PYGO1: variants seen among roughly 807,000 people sequenced by gnomAD.
PYGO1 encodes the protein pygopus homolog 1.
A neutral mutation model predicts 29.5 loss-of-function variants in PYGO1; 6 were observed. The ratio of observed to expected loss-of-function variants is 0.20; its 90% confidence interval spans 0.11 to 0.40. The LOEUF (loss-of-function observed/expected upper bound fraction) is 0.40, where lower values mean the gene tolerates loss of function less well. Among genes scored for constraint, PYGO1 ranks in the 10% least tolerant of loss-of-function variants. The pLI is 1.00. For missense variants in PYGO1, 515 were observed against 514.9 expected (o/e 1.00, Z 0.00); for synonymous variants, 186 against 180.5 (o/e 1.03, Z -0.24).
intron 1 of PYGO1, among the ~76,000 whole-genome samples, chr15:55,572,514 A>G (rs1174737161): frequency 6.6e-6 from 1 of 152,220 alleles, no homozygotes; most frequent in Non-Finnish European, 1.5e-5. Context: ...TTGGGATATG[A>G]CCAAAAGCAC....
At chr15:55,573,967 C>T (rs1257253302) in intron 1 of PYGO1, among the ~76,000 whole-genome samples, 1 of 152,066 alleles carries the variant, frequency 6.6e-6, no homozygotes, top group South Asian at 2.1e-4. Flanking sequence ...TCTGAAATGG[C>T]GGGCAACCAA....
At chr15:55,557,990 C>T (rs947636090) in intron 1 of PYGO1, among the ~76,000 whole-genome samples, 2 of 152,176 alleles carry the variant, frequency 1.3e-5, no homozygotes, top group Non-Finnish European at 2.9e-5. Flanking sequence ...GTTGGAAGTT[C>T]TGGCCAGGGC....
At chr15:55,565,208 A>C (rs928519986) in intron 1 of PYGO1, among the ~76,000 whole-genome samples, 9 of 151,944 alleles carry the variant, frequency 5.9e-5, no homozygotes, top group African/African-American at 1.9e-4. Flanking sequence ...CACAGTACTG[A>C]GCATTACACA....
At chr15:55,562,313 T>C (rs534853478) in intron 1 of PYGO1, among the ~76,000 whole-genome samples, 62 of 152,174 alleles carry the variant, frequency 4.1e-4, no homozygotes, top group Non-Finnish European at 7.8e-4. Flanking sequence ...AGAAATACCA[T>C]TGGACCCAGC....
At chr15:55,572,083 C>A (rs1184757219) in intron 1 of PYGO1, among the ~76,000 whole-genome samples, 3 of 152,068 alleles carry the variant, frequency 2.0e-5, no homozygotes, top group African/African-American at 7.2e-5. Flanking sequence ...TCCTAAAATT[C>A]ATATGGAACC....
At chr15:55,569,455 C>T (rs752368710) in intron 1 of PYGO1, among the ~76,000 whole-genome samples, 2 of 152,156 alleles carry the variant, frequency 1.3e-5, no homozygotes, top group African/African-American at 2.4e-5. Context: ...GTTGCCACTG[C>T]ATCCCAGATA....
chr15:55,546,955 C>A lies in PYGO1; in HGVS notation c.328G>T (p.Val110Phe), dbSNP rs758353539. 6.2e-7 allele frequency: 1 copy of A among 1,613,860 alleles called. No individual in the cohort carries two copies. The highest frequency in any genetic ancestry group is 1.7e-5 in the Admixed American group (1 of 60,002). Reference protein sequence around the residue: ...GYSTFRMPPHVPPRMSSPYCG... With the variant: ...GYSTFRMPPHFPPRMSSPYCG... The stretch of plus-strand genomic sequence containing the variant: ...TATGGGGAAGACATTCTTGGGGGAA[C>A]GTGAGGTGGCATTCTGAATGTACTA... Residue 110 changes from valine (V) to phenylalanine (F), a missense_variant, in exon 3 of 3, where the codon GTT becomes TTT. Transcript: ENST00000563719.
intron 1 of PYGO1, among the ~76,000 whole-genome samples, chr15:55,582,553 T>G (rs1487815465): frequency 6.6e-6 from 1 of 152,140 alleles, no homozygotes; most frequent in Non-Finnish European, 1.5e-5. Flanking sequence ...TTTTCAATGC[T>G]TTTCTCTTTT....
At position 55,570,092 on chromosome 15, in the gene PYGO1, CAG is replaced by C. The variant is rs1265048407; in HGVS notation, c.49+17741_49+17742del. Among the ~76,000 whole-genome samples the C allele has an allele frequency of 7.9e-5, 12 of 152,316 alleles. No homozygotes were observed. In the South Asian group the frequency reaches 2.3e-3, roughly 29 times the overall value. On this transcript the variant is annotated intron_variant, in intron 1 of 2. Transcript: ENST00000563719. ...TCAGATCCCCAGTGGAAAGGTCAGTCAGAGAGAGGGGCTCTCTACCTCTTTCA... is the reference window on the plus strand; with the variant it reads ...TCAGATCCCCAGTGGAAAGGTCAGTCAGAGAGGGGCTCTCTACCTCTTTCA...
At chr15:55,574,226 C>T (rs1158431947) in intron 1 of PYGO1, among the ~76,000 whole-genome samples, 1 of 152,184 alleles carries the variant, frequency 6.6e-6, no homozygotes, top group East Asian at 1.9e-4. Context: ...AGATGATTAG[C>T]ACCATGTGGT....
At chr15:55,587,086 T>C (rs929307501) in intron 1 of PYGO1, among the ~76,000 whole-genome samples, 6 of 152,242 alleles carry the variant, frequency 3.9e-5, no homozygotes, top group Non-Finnish European at 8.8e-5. Context: ...CTTAACCTTA[T>C]TAAGAGCTAA....
intron 1 of PYGO1, among the ~76,000 whole-genome samples, chr15:55,559,937 T>C (rs2058925695): frequency 6.6e-6 from 1 of 152,128 alleles, no homozygotes; most frequent in Non-Finnish European, 1.5e-5. Context: ...AAAAAACACA[T>C]GATTATCTCA....
At chr15:55,553,666 C>T (rs2058890221) in intron 1 of PYGO1, among the ~76,000 whole-genome samples, 1 of 152,158 alleles carries the variant, frequency 6.6e-6, no homozygotes, top group Non-Finnish European at 1.5e-5. Context: ...CCACCTCAGC[C>T]TCCCAAAGTG....
chr15:55,587,208 G>A (rs538258221), intron 1 of PYGO1, among the ~76,000 whole-genome samples: 12 of 152,208 alleles, frequency 7.9e-5, no homozygotes, highest in African/African-American at 2.9e-4. Context: ...TAACACGAAA[G>A]GAAAATTCCT....
rs113023840 is a variant in PYGO1 at position 55,549,012 on chromosome 15, T to C, written c.50-17A>G. 5 of 1,510,158 alleles carry C rather than the reference T, an allele frequency of 3.3e-6. No homozygotes were observed. The Admixed American group carries it at 5.4e-5, about 16-fold the overall frequency. The allele number at this position is 1,510,158 out of a possible 1,614,324, so 93.5% of individuals were successfully genotyped here. A position where few individuals can be genotyped will look rare whatever the true frequency, so the allele number is the denominator to read the frequency against. On this transcript the variant is annotated splice_polypyrimidine_tract_variant and intron_variant, in intron 1 of 2. Transcript: ENST00000563719. ...TATCACCACCTAAAAAAAAAAAAAT[T>C]CAGGTAATATTTCCCACTTGTAAGT...
chr15:55,542,559 C>A lies in PYGO1; in HGVS notation c.*3464G>T, dbSNP rs1008085731. ...GTTTCAGTATTAGTGAATCGAGTAA[C>A]ACCTAGAAGCATGTGGACCACAAAT... On this transcript the variant is annotated 3_prime_UTR_variant, in exon 3 of 3. Transcript: ENST00000563719. The A allele has an allele frequency of 6.6e-6, 1 of 152,166 alleles. No individual in the cohort carries two copies. The highest frequency in any genetic ancestry group is 1.5e-5 in the Non-Finnish European group (1 of 68,024). The allele number at this position is 152,166 out of a possible 1,614,324, so 9.4% of individuals were successfully genotyped here.
rs768627672 is a variant in PYGO1, at chr15:55,548,952, T to C, written c.93A>G (p.Gln31=). Residue 31 remains glutamine, a synonymous_variant, in exon 2 of 3, where the codon CAA becomes CAG. Coordinates refer to ENST00000563719, the MANE Select transcript of PYGO1 (RefSeq NM_001367806.1). ...GCTTTTTCTTATCTGGGCTTCCTAGTTGTACACCTGGTCCTCCTAACCCAT... is the reference window on the plus strand; with the variant it reads ...GCTTTTTCTTATCTGGGCTTCCTAGCTGTACACCTGGTCCTCCTAACCCAT... ...GLDGLGGPGV[Q]LGSPDKKKRK... 32 of 1,612,986 alleles carry C rather than the reference T, an allele frequency of 2.0e-5. 1 individual carries two copies. The South Asian group carries it at 3.4e-4, about 17-fold the overall frequency.
chr15:55,561,819 T>C (rs1233376677), intron 1 of PYGO1, among the ~76,000 whole-genome samples: 1 of 152,080 alleles, frequency 6.6e-6, no homozygotes, highest in Admixed American at 6.6e-5. Context: ...CGGTGAAAAC[T>C]CCAAAAGCAA....
intron 1 of PYGO1, among the ~76,000 whole-genome samples, chr15:55,585,895 A>C (rs1378975422): frequency 6.6e-6 from 1 of 152,236 alleles, no homozygotes; most frequent in East Asian, 1.9e-4. Flanking sequence ...CTATTCCTTA[A>C]AGGCTTTGGC....
Sources: gnomAD v4.1 joint callset for allele counts (sites outside exome capture counted in the v4.1 genomes callset) on GRCh38, gnomAD v4.1.1 for gene constraint, MANE v1.5 for transcripts, NCBI Gene and HGNC (gene_info 2026-07-23, HGNC 2026-07-21) for gene names.